IL1RAPL1: variants seen among roughly 807,000 people sequenced by gnomAD.
IL1RAPL1 encodes interleukin-1 receptor accessory protein-like 1.
A neutral mutation model predicts 48.4 loss-of-function variants in IL1RAPL1; 3 were observed. The observed-to-expected ratio is 0.06, with a 90% CI of 0.03 to 0.16. The LOEUF (loss-of-function observed/expected upper bound fraction) is 0.16. Ranked by LOEUF, IL1RAPL1 falls within the 10% of genes least tolerant of loss-of-function variation. The pLI, the probability that IL1RAPL1 is intolerant of heterozygous loss-of-function variation, is 1.00. For missense variants in IL1RAPL1, 349 were observed against 530.6 expected, an observed-to-expected ratio of 0.66 and a Z score of 3.36; for synonymous variants, 185 against 187.7, an observed-to-expected ratio of 0.99 and a Z score of 0.12.
chrX:29,315,524 T>G (rs1270693695), intron 3 of IL1RAPL1, among the ~76,000 whole-genome samples: 1 of 111,631 alleles, frequency 9.0e-6, no homozygotes, highest in African/African-American at 3.3e-5. Flanking sequence ...TTGTGTGTGT[T>G]TTATTTGTTT....
chrX:29,050,412 C>T (rs1927068115), intron 2 of IL1RAPL1, among the ~76,000 whole-genome samples: 1 of 111,548 alleles, frequency 9.0e-6, no homozygotes, highest in Admixed American at 9.6e-5. Context: ...ATTTGAAGGC[C>T]TGGGTGCTTG....
At chrX:29,332,040 G>A (rs779528827) in intron 3 of IL1RAPL1, among the ~76,000 whole-genome samples, 13 of 99,204 alleles carry the variant, frequency 1.3e-4, no homozygotes, top group African/African-American at 4.7e-4. Context: ...ATATCTATAG[G>A]AAACCAAATA....
intron 2 of IL1RAPL1, among the ~76,000 whole-genome samples, chrX:28,823,711 C>T (rs968037413): frequency 9.0e-6 from 1 of 110,586 alleles, no homozygotes; most frequent in South Asian, 3.8e-4. Context: ...GAGAGGCCTG[C>T]TTTTTTTGCC....
chrX:29,732,363 A>G (rs982855578), intron 6 of IL1RAPL1, among the ~76,000 whole-genome samples: 2 of 111,868 alleles, frequency 1.8e-5, no homozygotes, highest in African/African-American at 6.5e-5. Flanking sequence ...TCATCTGATC[A>G]TATCTTTACT....
chrX:29,180,850 A>T (rs1930130001), intron 2 of IL1RAPL1, among the ~76,000 whole-genome samples: 1 of 111,474 alleles, frequency 9.0e-6, no homozygotes, highest in Admixed American at 9.6e-5. Flanking sequence ...GACGTTTTAG[A>T]TTCCTGTATC....
intron 6 of IL1RAPL1, among the ~76,000 whole-genome samples, chrX:29,839,573 A>T (rs1435618182): frequency 2.7e-5 from 3 of 112,071 alleles, no homozygotes; most frequent in African/African-American, 9.7e-5. Flanking sequence ...CGTATTATGC[A>T]TGTATGTTTG....
At chrX:29,424,646 G>T (rs1602228567) in intron 5 of IL1RAPL1, among the ~76,000 whole-genome samples, 1 of 111,840 alleles carries the variant, frequency 8.9e-6, no homozygotes. Context: ...CAACTGTGAA[G>T]CAGGGTGGTT....
chrX:29,802,747 TTATATATATATATA>T (rs1210417673), intron 6 of IL1RAPL1, among the ~76,000 whole-genome samples: 2 of 36,258 alleles, frequency 5.5e-5, no homozygotes, highest in South Asian at 2.0e-3. Flanking sequence ...GAGGAAAAAA[TTATATATATATATA>T]TATATATATA....
intron 6 of IL1RAPL1, among the ~76,000 whole-genome samples, chrX:29,704,484 C>T (rs929961778): frequency 9.1e-6 from 1 of 110,249 alleles, no homozygotes; most frequent in Non-Finnish European, 1.9e-5. Flanking sequence ...GCCTAGCCAA[C>T]GTGACAAAAC....
chrX:28,906,825 T>A (rs1161738390), intron 2 of IL1RAPL1, among the ~76,000 whole-genome samples: 3 of 112,176 alleles, frequency 2.7e-5, no homozygotes, highest in Non-Finnish European at 5.6e-5. Context: ...AGTCTAAGTC[T>A]ACAACGTAAG....
intron 2 of IL1RAPL1, among the ~76,000 whole-genome samples, chrX:29,203,722 A>AATATAGATAGATATATAT (rs1419764371): frequency 1.3e-5 from 1 of 78,428 alleles, no homozygotes; most frequent in Admixed American, 1.6e-4. Flanking sequence ...TCCGTCTCAA[A>AATATAGATAGATATATAT]ATATATATAT....
At chrX:29,674,138 TG>T (rs199508636) in intron 6 of IL1RAPL1, among the ~76,000 whole-genome samples, 2,392 of 111,968 alleles carry the variant, frequency 0.021, 59 homozygotes, top group African/African-American at 0.074. Flanking sequence ...ATGTTTTAAG[TG>T]GTCAGGGCCA....
At chrX:29,288,834 A>T (rs1248425361) in intron 3 of IL1RAPL1, among the ~76,000 whole-genome samples, 7 of 111,507 alleles carry the variant, frequency 6.3e-5, no homozygotes, top group Non-Finnish European at 9.4e-5. Flanking sequence ...TTGTTTCTTG[A>T]CTTTTTAATA....
chrX:29,429,967 C>G (rs1391375746), intron 5 of IL1RAPL1, among the ~76,000 whole-genome samples: 1 of 102,309 alleles, frequency 9.8e-6, no homozygotes, highest in Admixed American at 1.1e-4. Context: ...GCTCTGTTGC[C>G]CAGGCTGCTC....
chrX:28,991,413 G>T (rs1306426633), intron 2 of IL1RAPL1, among the ~76,000 whole-genome samples: 2 of 111,006 alleles, frequency 1.8e-5, no homozygotes, highest in Admixed American at 9.6e-5. Flanking sequence ...CAGTGAGAGG[G>T]GCTCTTTGTT....
intron 2 of IL1RAPL1, among the ~76,000 whole-genome samples, chrX:29,195,716 C>T (rs1476366151): frequency 9.1e-6 from 1 of 109,444 alleles, no homozygotes; most frequent in Non-Finnish European, 1.9e-5. Context: ...TGCGCTACCA[C>T]GACTGGCTAA....
At chrX:29,319,472 G>A (rs1389875241) in intron 3 of IL1RAPL1, among the ~76,000 whole-genome samples, 1 of 97,088 alleles carries the variant, frequency 1.0e-5, no homozygotes, top group Non-Finnish European at 2.0e-5. Flanking sequence ...CCAAAGTGCT[G>A]GGATTATAGA....
At chrX:29,426,307 G>A (rs1934349463) in intron 5 of IL1RAPL1, among the ~76,000 whole-genome samples, 1 of 111,619 alleles carries the variant, frequency 9.0e-6, no homozygotes, top group Admixed American at 9.6e-5. Flanking sequence ...CTGATGGTAG[G>A]CACTTTCACA....
intron 1 of IL1RAPL1, among the ~76,000 whole-genome samples, chrX:28,766,642 T>C (rs922786183): frequency 1.4e-4 from 16 of 110,933 alleles, no homozygotes; most frequent in African/African-American, 5.2e-4. Context: ...ATTCATTCTT[T>C]CTATTTTTTT....
Sources: allele counts gnomAD v4.1 joint callset (sites outside exome capture counted in the v4.1 genomes callset), GRCh38; gene constraint gnomAD v4.1.1; transcripts MANE v1.5; gene names NCBI Gene and HGNC (gene_info 2026-07-23, HGNC 2026-07-21).